GPC6: variants seen among roughly 807,000 people sequenced by gnomAD.
GPC6 encodes the protein glypican 6, also known as glypican-6.
A neutral mutation model predicts 55.2 loss-of-function variants in GPC6; 14 were observed. The observed-to-expected ratio is 0.25, with a 90% CI of 0.17 to 0.40. The LOEUF is 0.40. Ranked by LOEUF, GPC6 falls within the 10% of genes least tolerant of loss-of-function variation. The probability of loss-of-function intolerance (pLI) is 1.00; values close to 1 mark genes in which losing one functional copy is unlikely to be tolerated. For synonymous variants in GPC6, 278 were observed against 259.6 expected (o/e 1.07, Z -0.68); for missense variants, 641 against 708.5 (o/e 0.90, Z 1.08).
At chr13:94,180,103 G>A (rs935727392) in intron 4 of GPC6, among the ~76,000 whole-genome samples, 1 of 152,134 alleles carries the variant, frequency 6.6e-6, no homozygotes, top group Non-Finnish European at 1.5e-5. Flanking sequence ...CCCGAAGGCT[G>A]GAAAGGGAGT....
chr13:93,252,266 T>C (rs910861446), intron 1 of GPC6, among the ~76,000 whole-genome samples: 10 of 151,586 alleles, frequency 6.6e-5, no homozygotes, highest in Non-Finnish European at 8.8e-5. Flanking sequence ...CAGTTCCCTT[T>C]TTTTTCCCCC....
chr13:93,225,508 G>GT (rs66479937), upstream of GPC6, among the ~76,000 whole-genome samples: 34 of 151,150 alleles, frequency 2.2e-4, no homozygotes, highest in African/African-American at 8.1e-4. Context: ...GTTTTGTTTT[G>GT]TTTTTTTTTT....
intron 5 of GPC6, among the ~76,000 whole-genome samples, chr13:94,300,869 T>G (rs2139104791): frequency 6.6e-6 from 1 of 152,244 alleles, no homozygotes; most frequent in East Asian, 1.9e-4. Context: ...AGAAGCCCTT[T>G]AGTGTCTTAA....
At chr13:94,359,868 A>T (rs1878975258) in intron 6 of GPC6, among the ~76,000 whole-genome samples, 1 of 152,216 alleles carries the variant, frequency 6.6e-6, no homozygotes, top group African/African-American at 2.4e-5. Flanking sequence ...TCTCAACCTT[A>T]TTCCCAAGTA....
chr13:94,203,975 A>C (rs1250091279), intron 4 of GPC6, among the ~76,000 whole-genome samples: 1 of 152,146 alleles, frequency 6.6e-6, no homozygotes, highest in African/African-American at 2.4e-5. Flanking sequence ...TTTCACCAAA[A>C]GTCTCAGCAA....
At chr13:94,389,472 G>GA (rs1447078917) in intron 7 of GPC6, among the ~76,000 whole-genome samples, 4 of 152,168 alleles carry the variant, frequency 2.6e-5, no homozygotes, top group Admixed American at 1.3e-4. Flanking sequence ...AGCAGCAAAA[G>GA]AAAAAATAAA....
chr13:93,416,522 C>A (rs529162022), intron 1 of GPC6, among the ~76,000 whole-genome samples: 1 of 152,156 alleles, frequency 6.6e-6, no homozygotes, highest in African/African-American at 2.4e-5. Flanking sequence ...CCCCCTCAAG[C>A]CTTGATCATT....
At chr13:94,104,346 AACC>A (rs1885976674) in intron 4 of GPC6, among the ~76,000 whole-genome samples, 1 of 152,136 alleles carries the variant, frequency 6.6e-6, no homozygotes, top group Non-Finnish European at 1.5e-5. Flanking sequence ...ATATATGACA[AACC>A]CACAGCCAAT....
At chr13:93,450,923 A>G (rs1427390590) in intron 1 of GPC6, among the ~76,000 whole-genome samples, 1 of 152,210 alleles carries the variant, frequency 6.6e-6, no homozygotes, top group Non-Finnish European at 1.5e-5. Flanking sequence ...AATGGACTGG[A>G]GTCCAGTAAG....
intron 2 of GPC6, among the ~76,000 whole-genome samples, chr13:93,754,074 A>G (rs1254640381): frequency 6.6e-6 from 1 of 152,164 alleles, no homozygotes; most frequent in Non-Finnish European, 1.5e-5. Context: ...GCTTCCTTGG[A>G]AGCCAGCATG....
chr13:93,875,372 T>C (rs1889258437), intron 3 of GPC6, among the ~76,000 whole-genome samples: 1 of 152,072 alleles, frequency 6.6e-6, no homozygotes, highest in African/African-American at 2.4e-5. Flanking sequence ...TTAGGTTTGA[T>C]GATAACCACC....
chr13:94,070,036 G>A (rs1594711559), intron 4 of GPC6, among the ~76,000 whole-genome samples: 1 of 152,140 alleles, frequency 6.6e-6, no homozygotes, highest in Non-Finnish European at 1.5e-5. Flanking sequence ...CAGGCTGCTA[G>A]TGAAGACATA....
chr13:94,161,658 A>T (rs1888169506), intron 4 of GPC6, among the ~76,000 whole-genome samples: 1 of 152,194 alleles, frequency 6.6e-6, no homozygotes, highest in Admixed American at 6.5e-5. Flanking sequence ...ATGGCCATTC[A>T]TCAGAAAACA....
At chr13:93,781,991 GTA>G (rs1594452199) in intron 2 of GPC6, among the ~76,000 whole-genome samples, 1 of 152,048 alleles carries the variant, frequency 6.6e-6, no homozygotes, top group African/African-American at 2.4e-5. Flanking sequence ...CAAGTATACA[GTA>G]TATTGTTCTT....
At chr13:94,134,519 C>T (rs1404074482) in intron 4 of GPC6, among the ~76,000 whole-genome samples, 4 of 152,212 alleles carry the variant, frequency 2.6e-5, no homozygotes, top group Non-Finnish European at 5.9e-5. Context: ...CTTTAGAACA[C>T]TTTATGCTCA....
intron 4 of GPC6, among the ~76,000 whole-genome samples, chr13:94,225,474 T>C (rs1479658499): frequency 2.0e-5 from 3 of 152,144 alleles, no homozygotes; most frequent in African/African-American, 7.2e-5. Context: ...TGCCTCAAAC[T>C]ATATCCTATT....
At chr13:94,328,124 G>A (rs973228702) in intron 6 of GPC6, among the ~76,000 whole-genome samples, 6 of 152,110 alleles carry the variant, frequency 3.9e-5, no homozygotes, top group Non-Finnish European at 5.9e-5. Context: ...TGTGGGACTC[G>A]GATCATTTAC....
At chr13:93,930,735 A>G (rs534426120) in intron 3 of GPC6, among the ~76,000 whole-genome samples, 13 of 152,280 alleles carry the variant, frequency 8.5e-5, no homozygotes, top group African/African-American at 2.9e-4. Context: ...AACTCACACA[A>G]AGAATGGACA....
Position 93,273,692 on chromosome 13 carries a change from C to T in GPC6, c.160+46076C>T, listed in dbSNP as rs192969538. On this transcript the variant is annotated intron_variant, in intron 1 of 8. Transcript: ENST00000377047. ...ACAAACAAACAAGTACTGTACATGT[C>T]AAAGCTTTACTGTTTATCATAGAAA... Among the ~76,000 whole-genome samples, 440 of 152,262 alleles carry T rather than the reference C, an allele frequency of 2.9e-3. 2 individuals carry two copies. Among genetic ancestry groups the T allele is most frequent in the African/African-American group, 0.01 (426 of 41,562 alleles).
Sources: gnomAD v4.1 joint callset for allele counts (sites outside exome capture counted in the v4.1 genomes callset) on GRCh38, gnomAD v4.1.1 for gene constraint, MANE v1.5 for transcripts, NCBI Gene and HGNC (gene_info 2026-07-23, HGNC 2026-07-21) for gene names.